Variants in SWT1 observed in about 807,000 individuals in gnomAD.
SWT1 encodes the protein SWT1 RNA endoribonuclease homolog, also known as transcriptional protein SWT1.
A neutral mutation model predicts 107.3 loss-of-function variants in SWT1; 33 were observed. The observed-to-expected ratio is 0.31, with a 90% CI of 0.23 to 0.41. The LOEUF is 0.41. SWT1 is among the 10% of genes least tolerant of loss of function. The probability of loss-of-function intolerance (pLI) is 1.00; values close to 1 mark genes in which losing one functional copy is unlikely to be tolerated. For synonymous variants in SWT1, 345 were observed against 348.3 expected (o/e 0.99, Z 0.11); for missense variants, 898 against 1,028.9 (o/e 0.87, Z 1.74).
chr1:185,198,375 A>G (rs1657579810), intron 10 of SWT1, among the ~76,000 whole-genome samples: 1 of 152,206 alleles, frequency 6.6e-6, no homozygotes, highest in South Asian at 2.1e-4. Context: ...GGTCAGTTTT[A>G]GAATAAGTGC....
chr1:185,245,346 G>T (rs371606737), intron 16 of SWT1, among the ~76,000 whole-genome samples: 2 of 151,922 alleles, frequency 1.3e-5, no homozygotes, highest in Non-Finnish European at 2.9e-5. Flanking sequence ...GTCTTCCACC[G>T]CCATGTCTTG....
At chr1:185,237,368 G>A (rs943595117) in intron 16 of SWT1, among the ~76,000 whole-genome samples, 1 of 152,158 alleles carries the variant, frequency 6.6e-6, no homozygotes, top group Non-Finnish European at 1.5e-5. Context: ...ATACTATACA[G>A]CCATAAAAAA....
chr1:185,286,634 A>G (rs1335608385), intron 18 of SWT1, among the ~76,000 whole-genome samples: 1 of 152,156 alleles, frequency 6.6e-6, no homozygotes, highest in Non-Finnish European at 1.5e-5. Flanking sequence ...TTGCTAATGT[A>G]TAGAAATACA....
At chr1:185,247,893 A>T (rs914844066) in intron 16 of SWT1, among the ~76,000 whole-genome samples, 1 of 152,016 alleles carries the variant, frequency 6.6e-6, no homozygotes, top group African/African-American at 2.4e-5. Context: ...AAAGCAGACT[A>T]TTTGTTTATT....
chr1:185,252,778 T>A (rs1662141976), intron 16 of SWT1, among the ~76,000 whole-genome samples: 1 of 152,170 alleles, frequency 6.6e-6, no homozygotes. Flanking sequence ...CAGAAGCTCT[T>A]GAGTTTAATT....
intron 16 of SWT1, among the ~76,000 whole-genome samples, chr1:185,247,703 C>T (rs1015729573): frequency 6.6e-6 from 1 of 152,090 alleles, no homozygotes; most frequent in Non-Finnish European, 1.5e-5. Context: ...TTCTCCAGAC[C>T]TGCACTTTGC....
chr1:185,290,873 A>C lies in SWT1; in HGVS notation c.*70A>C. ...TAACAGAGTAGTTTTCAATCTGGTC[A>C]CTCTTTTGGGCCAAACCCAAGAGAA... On this transcript the variant is annotated 3_prime_UTR_variant, in exon 19 of 19. Transcript: ENST00000367500. 7.2e-7 allele frequency: 1 copy of C among 1,389,258 alleles called. No homozygotes were observed. Among genetic ancestry groups the C allele is most frequent in the Non-Finnish European group, 9.8e-7 (1 of 1,018,700 alleles). 86.1% of individuals were successfully genotyped at this position (1,389,258 alleles called of 1,614,324 possible). A position where few individuals can be genotyped will look rare whatever the true frequency, so the allele number is the denominator to read the frequency against.
intron 16 of SWT1, among the ~76,000 whole-genome samples, chr1:185,235,977 A>G (rs1241650308): frequency 6.6e-6 from 1 of 152,196 alleles, no homozygotes; most frequent in Non-Finnish European, 1.5e-5. Flanking sequence ...ACCTAGGAAT[A>G]CAACTTTTAC....
At chr1:185,172,760 TG>T (rs1655181266) in intron 4 of SWT1, among the ~76,000 whole-genome samples, 1 of 152,044 alleles carries the variant, frequency 6.6e-6, no homozygotes, top group African/African-American at 2.4e-5. Context: ...TAGAAGAAAA[TG>T]GTATGGGCCA....
chr1:185,255,166 C>G (rs1381047054), intron 16 of SWT1, among the ~76,000 whole-genome samples: 1 of 152,062 alleles, frequency 6.6e-6, no homozygotes. Context: ...AATTTCTGTT[C>G]TTTTACATCT....
At chr1:185,222,996 TG>T (rs1308508472) in intron 15 of SWT1, among the ~76,000 whole-genome samples, 1 of 152,194 alleles carries the variant, frequency 6.6e-6, no homozygotes, top group East Asian at 1.9e-4. Context: ...TTGTATATAG[TG>T]CTACAGCAGA....
At chr1:185,182,111 G>A (rs1164245575) in intron 7 of SWT1, 54 bp downstream of exon 7, 104 of 1,530,236 alleles carry the variant, frequency 6.8e-5, no homozygotes, top group Non-Finnish European at 8.7e-5. Context: ...AAAAATTAAT[G>A]TGCCAATATT....
chr1:185,200,141 T>G (rs555643448), intron 10 of SWT1, among the ~76,000 whole-genome samples: 19 of 152,228 alleles, frequency 1.2e-4, no homozygotes, highest in African/African-American at 4.3e-4. Context: ...AGTTAGCAAT[T>G]CCTCTAACCT....
intron 5 of SWT1, among the ~76,000 whole-genome samples, chr1:185,179,127 T>G (rs1655814025): frequency 6.6e-6 from 1 of 151,782 alleles, no homozygotes; most frequent in African/African-American, 2.4e-5. Flanking sequence ...AAAAATTAGC[T>G]GGGTATGGTG....
intron 16 of SWT1, among the ~76,000 whole-genome samples, chr1:185,266,808 A>G (rs1324257449): frequency 6.6e-6 from 1 of 152,190 alleles, no homozygotes; most frequent in Non-Finnish European, 1.5e-5. Flanking sequence ...TGACTGAGTC[A>G]GGGCCGCTAG....
chr1:185,227,418 T>C, intron 15 of SWT1: 1 of 661,886 alleles, frequency 1.5e-6, no homozygotes, highest in Non-Finnish European at 2.8e-6. Context: ...CGCAGCATAA[T>C]TTTTCAGGCC....
intron 2 of SWT1, among the ~76,000 whole-genome samples, chr1:185,163,199 C>A (rs965810684): frequency 6.6e-6 from 1 of 151,998 alleles, no homozygotes; most frequent in Non-Finnish European, 1.5e-5. Context: ...CTGTAGCATG[C>A]AATTCAGTTT....
At chr1:185,225,760 A>C (rs1439780122) in intron 15 of SWT1, among the ~76,000 whole-genome samples, 1 of 152,236 alleles carries the variant, frequency 6.6e-6, no homozygotes, top group Non-Finnish European at 1.5e-5. Flanking sequence ...GCAATTGCCC[A>C]GCAGTGCATT....
At chr1:185,269,114 A>G (rs1663640717) in intron 16 of SWT1, among the ~76,000 whole-genome samples, 1 of 151,950 alleles carries the variant, frequency 6.6e-6, no homozygotes, top group African/African-American at 2.4e-5. Flanking sequence ...AGCCTCCCAA[A>G]GTGCTGGGAT....
Sources: allele counts gnomAD v4.1 joint callset (sites outside exome capture counted in the v4.1 genomes callset), GRCh38; gene constraint gnomAD v4.1.1; transcripts MANE v1.5; gene names NCBI Gene and HGNC (gene_info 2026-07-23, HGNC 2026-07-21).